PIEZO2: variants seen among roughly 807,000 people sequenced by gnomAD.
The protein encoded by PIEZO2 is piezo-type mechanosensitive ion channel component 2.
A neutral mutation model predicts 337.3 loss-of-function variants in PIEZO2; 172 were observed. The ratio of observed to expected loss-of-function variants is 0.51; its 90% CI spans 0.45 to 0.58. The LOEUF is 0.58. Among genes scored for constraint, PIEZO2 ranks in the 20% least tolerant of loss-of-function variants. The probability of loss-of-function intolerance (pLI) is 0.00; values close to 1 mark genes in which losing one functional copy is unlikely to be tolerated. For synonymous variants in PIEZO2, 1,251 were observed against 1,228.5 expected, an observed-to-expected ratio of 1.02 and a Z score of -0.38; for missense variants, 3,028 against 3,391.3, an observed-to-expected ratio of 0.89 and a Z score of 2.66.
At chr18:10,835,466 C>T (rs137948237) in intron 7 of PIEZO2, among the ~76,000 whole-genome samples, 85 of 152,274 alleles carry the variant, frequency 5.6e-4, no homozygotes, top group African/African-American at 1.9e-3. Flanking sequence ...ACCATCATTT[C>T]ATTAAAATAT....
At chr18:10,909,585 T>G (rs1283586868) in intron 4 of PIEZO2, among the ~76,000 whole-genome samples, 1 of 152,198 alleles carries the variant, frequency 6.6e-6, no homozygotes, top group African/African-American at 2.4e-5. Flanking sequence ...TATGTAGGGA[T>G]GAAATGACAT....
intron 35 of PIEZO2, 26 bp from the exon 36 acceptor site, chr18:10,731,547 T>C (rs1323041067): frequency 7.0e-7 from 1 of 1,436,630 alleles, no homozygotes; most frequent in East Asian, 2.6e-5. Flanking sequence ...TCAATTATTT[T>C]CTGGCCTTTT....
intron 1 of PIEZO2, among the ~76,000 whole-genome samples, chr18:11,107,808 C>T (rs539153663): frequency 1.3e-5 from 2 of 152,304 alleles, no homozygotes; most frequent in East Asian, 3.9e-4. Context: ...AATAGTGAAG[C>T]CTGCAGCAAA....
At position 10,861,078 on chromosome 18, in the gene PIEZO2, T is replaced by C. The variant is rs1223199321; in HGVS notation, c.493-3867A>G. ...CTGGCTTATTAACAGGCAGGCTTTT[T>C]CCCCCAAAGTGATTCTTCTGCTGAT... On this transcript the variant is annotated intron_variant, in intron 5 of 55. Coordinates refer to ENST00000674853, the MANE Select transcript of PIEZO2 (RefSeq NM_001378183.1). The surrounding 1 kb of genome is among the most constrained non-coding windows in gnomAD (Gnocchi z 4.3). Among the ~76,000 whole-genome samples, 3 of 152,186 alleles carry C rather than the reference T, an allele frequency of 2.0e-5. No homozygotes were observed. The highest frequency in any genetic ancestry group is 7.2e-5 in the African/African-American group (3 of 41,454).
chr18:11,049,739 G>C (rs373091512), intron 2 of PIEZO2, among the ~76,000 whole-genome samples: 58 of 152,184 alleles, frequency 3.8e-4, no homozygotes, highest in South Asian at 2.1e-4. Context: ...CTCTCCTTCT[G>C]TCTTGCCTGC....
At position 10,993,255 on chromosome 18, in the gene PIEZO2, T is replaced by A. The variant is rs1310616334; in HGVS notation, c.161-13595A>T. 6.6e-6 allele frequency among the ~76,000 whole-genome samples: 1 copy of A among 152,146 alleles called. No homozygotes were observed. The highest frequency in any genetic ancestry group is 1.5e-5 in the Non-Finnish European group (1 of 68,018). On this transcript the variant is annotated intron_variant, in intron 2 of 55. Coordinates refer to ENST00000674853, the MANE Select transcript of PIEZO2 (RefSeq NM_001378183.1). This position sits in a 1 kb window ranked among gnomAD's most constrained non-coding sequence, Gnocchi z 5.0. ...TGATTGCCCTGGCCAGAACTTCCAA[T>A]ACTATGTTGAATAGGAGTGGTGAGA...
chr18:10,680,954 C>A (rs1411706381), intron 51 of PIEZO2, among the ~76,000 whole-genome samples: 1 of 152,094 alleles, frequency 6.6e-6, no homozygotes, highest in African/African-American at 2.4e-5. Flanking sequence ...CATCAGCCAC[C>A]CTTCTGCTAC....
At chr18:10,932,816 CT>C (rs1362518750) in intron 3 of PIEZO2, among the ~76,000 whole-genome samples, 4 of 151,714 alleles carry the variant, frequency 2.6e-5, no homozygotes, top group Non-Finnish European at 5.9e-5. Flanking sequence ...CCCAGCCACT[CT>C]GGAGGCTGAG....
chr18:10,731,177 TTATATATATA>T (rs60508630), intron 36 of PIEZO2, among the ~76,000 whole-genome samples: 76 of 35,236 alleles, frequency 2.2e-3, no homozygotes, highest in Admixed American at 5.4e-3. Context: ...ACTTAAAAGA[TTATATATATA>T]TATATATATA....
At chr18:10,770,385 A>C in intron 20 of PIEZO2, 77 bp from the exon 21 acceptor site, 5 of 1,388,808 alleles carry the variant, frequency 3.6e-6, no homozygotes, top group Non-Finnish European at 4.8e-6. Flanking sequence ...TGTAACTTTC[A>C]GGTTGGAATG....
rs1385875212 is a variant in PIEZO2 at position 11,080,683 on chromosome 18, A to C, written c.65-14461T>G. Among the ~76,000 whole-genome samples, 1 of 152,180 alleles carries C rather than the reference A, an allele frequency of 6.6e-6. No homozygotes were observed. The highest frequency in any genetic ancestry group is 2.4e-5 in the African/African-American group (1 of 41,450). On this transcript the variant is annotated intron_variant, in intron 1 of 55. Transcript: ENST00000674853. The surrounding 1 kb of genome is among the most constrained non-coding windows in gnomAD (Gnocchi z 5.4). ...ACACGGTGAAACCCCGTCTCTACTA[A>C]AAATACAAAAATTAGCCGGGTGTGG...
Position 10,813,567 on chromosome 18 carries a change from A to C in PIEZO2, c.918-6293T>G, listed in dbSNP as rs895212015. On this transcript the variant is annotated intron_variant, in intron 7 of 55. Transcript: ENST00000674853. The surrounding 1 kb of genome is among the most constrained non-coding windows in gnomAD (Gnocchi z 4.2). ...CCTCAAGGTTCATTCATGTTGTAGCATGTGTCAGAATTTCCTTCCACTTTA... is the reference window on the plus strand; with the variant it reads ...CCTCAAGGTTCATTCATGTTGTAGCCTGTGTCAGAATTTCCTTCCACTTTA... Among the ~76,000 whole-genome samples, 32 of 152,142 alleles carry C rather than the reference A, an allele frequency of 2.1e-4. No homozygotes were observed. Among genetic ancestry groups the C allele is most frequent in the African/African-American group, 7.7e-4 (32 of 41,420 alleles).
At chr18:11,090,431 T>A (rs1300808643) in intron 1 of PIEZO2, among the ~76,000 whole-genome samples, 1 of 152,176 alleles carries the variant, frequency 6.6e-6, no homozygotes, top group Admixed American at 6.5e-5. Context: ...CAATGCAGGA[T>A]GCACCAAATT....
intron 35 of PIEZO2, among the ~76,000 whole-genome samples, chr18:10,733,064 C>G (rs1398890832): frequency 2.0e-5 from 3 of 151,886 alleles, no homozygotes; most frequent in African/African-American, 7.3e-5. Flanking sequence ...AAAAAGGAAA[C>G]TGGGAGGAAA....
intron 49 of PIEZO2, among the ~76,000 whole-genome samples, chr18:10,684,733 TG>T (rs2034470892): frequency 1.3e-5 from 2 of 152,244 alleles, no homozygotes; most frequent in Admixed American, 1.3e-4. Flanking sequence ...CCCAAAGTGC[TG>T]GGATTACAAG....
chr18:11,007,302 C>T (rs547608981), intron 2 of PIEZO2, among the ~76,000 whole-genome samples: 1 of 152,218 alleles, frequency 6.6e-6, no homozygotes, highest in South Asian at 2.1e-4. Flanking sequence ...CATTTGTTAA[C>T]GTAAATGCTT....
chr18:11,046,350 A>C (rs2584742), intron 2 of PIEZO2, among the ~76,000 whole-genome samples: 69,333 of 152,106 alleles, frequency 0.46, 16,733 homozygotes, highest in African/African-American at 0.61. Flanking sequence ...TGTTGGCTGA[A>C]CTCTCACTTT....
At chr18:10,690,171 GGTGGTGCACCT>G (rs1236425732) in intron 48 of PIEZO2, among the ~76,000 whole-genome samples, 6 of 152,152 alleles carry the variant, frequency 3.9e-5, no homozygotes, top group Non-Finnish European at 7.3e-5. Flanking sequence ...AGTTAGTAGG[GGTGGTGCACCT>G]GGTAGGTTAA....
chr18:10,899,597 A>G lies in PIEZO2; in HGVS notation c.329+11589T>C, dbSNP rs1326245842. On this transcript the variant is annotated intron_variant, in intron 4 of 55. Coordinates refer to ENST00000674853, the MANE Select transcript of PIEZO2 (RefSeq NM_001378183.1). The surrounding 1 kb of genome is among the most constrained non-coding windows in gnomAD (Gnocchi z 4.6). ...GGATGCAGAACAAATAAGAAATATG[A>G]AGCCTTCTCTTGTAGCTGCCTATTA... Among the ~76,000 whole-genome samples the G allele has an allele frequency of 6.6e-6, 1 of 152,168 alleles. No individual in the cohort carries two copies. Among genetic ancestry groups the G allele is most frequent in the African/African-American group, 2.4e-5 (1 of 41,456 alleles).
Sources: allele counts gnomAD v4.1 joint callset (sites outside exome capture counted in the v4.1 genomes callset), GRCh38; gene constraint gnomAD v4.1.1; non-coding constraint Gnocchi (gnomAD v3.1); transcripts MANE v1.5; gene names NCBI Gene and HGNC (gene_info 2026-07-23, HGNC 2026-07-21).